Variants in LRRIQ1 observed in about 807,000 individuals in gnomAD.
LRRIQ1 encodes the protein leucine-rich repeat- and IQ domain-containing protein 1.
A neutral mutation model predicts 211.9 loss-of-function variants in LRRIQ1; 210 were observed. The observed-to-expected ratio is 0.99, with a 90% CI of 0.89 to 1.11. The LOEUF (loss-of-function observed/expected upper bound fraction) is 1.11, where lower values mean the gene tolerates loss of function less well. LRRIQ1 is among the 50% of genes most tolerant of loss of function. The pLI is 0.00. For synonymous variants in LRRIQ1, 699 were observed against 650.1 expected, an observed-to-expected ratio of 1.08 and a Z score of -1.14; for missense variants, 2,136 against 1,939.5, an observed-to-expected ratio of 1.10 and a Z score of -1.90.
intron 24 of LRRIQ1, among the ~76,000 whole-genome samples, chr12:85,227,639 A>G (rs1178275207): frequency 6.6e-6 from 1 of 152,126 alleles, no homozygotes; most frequent in Non-Finnish European, 1.5e-5. Context: ...TCAAGCTACC[A>G]ATGACTTTCT....
At chr12:85,061,253 T>G (rs1326137668) in intron 8 of LRRIQ1, among the ~76,000 whole-genome samples, 2 of 151,750 alleles carry the variant, frequency 1.3e-5, no homozygotes, top group Non-Finnish European at 3.0e-5. Flanking sequence ...TGACCTTAAT[T>G]TCGAAGCATA....
At chr12:85,152,497 T>A (rs1335318739) in intron 20 of LRRIQ1, 128 bp downstream of exon 20, 1 of 534,330 alleles carries the variant, frequency 1.9e-6, no homozygotes, top group Non-Finnish European at 3.1e-6. Context: ...GCCTCTGACT[T>A]CCTCCTCATC....
chr12:85,244,618 G>A (rs1895630451), intron 26 of LRRIQ1, among the ~76,000 whole-genome samples, 171 bp from the exon 27 acceptor site: 1 of 151,774 alleles, frequency 6.6e-6, no homozygotes, highest in Non-Finnish European at 1.5e-5. Context: ...TGCAAAAAAT[G>A]CTTTGACATA....
intron 11 of LRRIQ1, among the ~76,000 whole-genome samples, chr12:85,088,909 T>C (rs1565822119): frequency 1.3e-5 from 2 of 152,212 alleles, no homozygotes; most frequent in African/African-American, 4.8e-5. Context: ...GACTTCCTCT[T>C]TTCCTAATTG....
At chr12:85,054,386 C>T (rs952373483) in intron 7 of LRRIQ1, among the ~76,000 whole-genome samples, 1 of 152,152 alleles carries the variant, frequency 6.6e-6, no homozygotes, top group African/African-American at 2.4e-5. Context: ...CTTACATTCC[C>T]CAGAGGTCTG....
rs1894833954 is a variant in LRRIQ1, at chr12:85,229,585, A to G, written c.4891A>G (p.Thr1631Ala). The G allele has an allele frequency of 6.2e-7, 1 of 1,613,112 alleles. No individual in the cohort carries two copies. Among genetic ancestry groups the G allele is most frequent in the Non-Finnish European group, 8.5e-7 (1 of 1,179,358 alleles). The change falls in exon 25 of 27, where the codon ACA becomes GCA. Residue 1631 changes from threonine (T) to alanine (A), a missense_variant. By Grantham distance (58) the Thr-to-Ala change is moderately conservative. Transcript: ENST00000393217. ...NEKLERNREY[T>A]YQWLHTQVGV... is the part of the protein sequence containing the mutation. ...AAAATTAGAACGGAATAGAGAATAT[A>G]CATACCAATGGCTTCACACACAGGT... is the stretch of plus-strand genomic sequence containing the variant.
At chr12:85,236,693 G>A (rs1208561103) in intron 26 of LRRIQ1, among the ~76,000 whole-genome samples, 4 of 151,132 alleles carry the variant, frequency 2.6e-5, no homozygotes. Flanking sequence ...CTATTAGTCT[G>A]CAAGCCCGTT....
chr12:85,177,778 T>C (rs577422124), intron 24 of LRRIQ1, among the ~76,000 whole-genome samples: 93 of 152,196 alleles, frequency 6.1e-4, no homozygotes, highest in Middle Eastern at 3.4e-3. Flanking sequence ...TTATGGAACA[T>C]ATGGTGTGAA....
intron 19 of LRRIQ1, among the ~76,000 whole-genome samples, chr12:85,140,742 G>C (rs1263131107): frequency 1.3e-5 from 2 of 151,140 alleles, no homozygotes; most frequent in African/African-American, 4.8e-5. Flanking sequence ...GAGAAACTCT[G>C]TATGGTTTAA....
intron 24 of LRRIQ1, among the ~76,000 whole-genome samples, chr12:85,173,867 A>G (rs1891549178): frequency 6.6e-6 from 1 of 152,094 alleles, no homozygotes; most frequent in South Asian, 2.1e-4. Flanking sequence ...CCATGCCTTT[A>G]ATCTCCAGGC....
Position 85,174,701 on chromosome 12 carries a change from C to CAAAAAAAAAAAAAAAAAAAAAAAAAAAA in LRRIQ1, c.4822+14009_4822+14010insAAAAAAAAAAAAAAAAAAAAAAAAAAAA, listed in dbSNP as rs71076115. Among the ~76,000 whole-genome samples the CAAAAAAAAAAAAAAAAAAAAAAAAAAAA allele has an allele frequency of 5.6e-4, 12 of 21,592 alleles. 2 individuals carry two copies. The highest frequency in any genetic ancestry group is 2.0e-3 in the Admixed American group (3 of 1,488). 14.2% of individuals were successfully genotyped at this position (21,592 alleles called of 152,430 possible). On this transcript the variant is annotated intron_variant, in intron 24 of 26. Coordinates refer to ENST00000393217, the MANE Select transcript of LRRIQ1 (RefSeq NM_001079910.2). ...TGGGTGACAGAGCAAGAGTACAGCT[C>CAAAAAAAAAAAAAAAAAAAAAAAAAAAA]AAAAAAAAAAAAAAAAAAAAAATCT... is the stretch of plus-strand genomic sequence containing the variant.
intron 9 of LRRIQ1, among the ~76,000 whole-genome samples, chr12:85,066,394 A>G (rs7965562): frequency 0.22 from 33,311 of 151,766 alleles, 4,338 homozygotes; most frequent in Admixed American, 0.31. Flanking sequence ...CCCACATACA[A>G]TGGTGAGACA....
intron 13 of LRRIQ1, among the ~76,000 whole-genome samples, chr12:85,100,960 T>G (rs1037517365): frequency 4.0e-5 from 6 of 151,804 alleles, no homozygotes; most frequent in Non-Finnish European, 3.0e-5. Flanking sequence ...TAAAACCAAA[T>G]CTATGTTTAA....
At chr12:85,047,644 T>G in intron 6 of LRRIQ1, 174 bp downstream of exon 6, 1 of 548,126 alleles carries the variant, frequency 1.8e-6, no homozygotes, top group South Asian at 2.3e-5. Context: ...CTTGATTAGT[T>G]TTTATTGAAA....
chr12:85,250,834 A>T (rs1374186648), intron 1 of LRRIQ1, among the ~76,000 whole-genome samples: 2 of 112,750 alleles, frequency 1.8e-5, no homozygotes, highest in Non-Finnish European at 1.7e-5. Context: ...ATTATAGATT[A>T]TATATTATAT....
intron 19 of LRRIQ1, among the ~76,000 whole-genome samples, chr12:85,147,014 A>T (rs1889937352): frequency 6.6e-6 from 1 of 151,820 alleles, no homozygotes; most frequent in African/African-American, 2.4e-5. Flanking sequence ...ATGCTCACTG[A>T]TAAAATTGCT....
intron 23 of LRRIQ1, among the ~76,000 whole-genome samples, chr12:85,159,964 A>G (rs1890774471): frequency 6.6e-6 from 1 of 152,032 alleles, no homozygotes; most frequent in African/African-American, 2.4e-5. Context: ...ATTGTGAAAA[A>G]TGTAAATCAT....
intron 19 of LRRIQ1, among the ~76,000 whole-genome samples, chr12:85,149,500 A>G (rs1307179371): frequency 6.6e-6 from 1 of 151,844 alleles, no homozygotes; most frequent in East Asian, 1.9e-4. Flanking sequence ...GTTCTGTTCC[A>G]TTGGTCTATG....
At chr12:85,094,464 C>T (rs559636754) in intron 11 of LRRIQ1, among the ~76,000 whole-genome samples, 1 of 152,160 alleles carries the variant, frequency 6.6e-6, no homozygotes, top group African/African-American at 2.4e-5. Context: ...ATATCCTGTC[C>T]CATTGGTCTA....
Sources: gnomAD v4.1 joint callset for allele counts (sites outside exome capture counted in the v4.1 genomes callset) on GRCh38, gnomAD v4.1.1 for gene constraint, MANE v1.5 for transcripts, NCBI Gene and HGNC (gene_info 2026-07-23, HGNC 2026-07-21) for gene names.